SCHIP1: variants seen among roughly 807,000 people sequenced by gnomAD.
The protein encoded by SCHIP1 is schwannomin interacting protein 1, also known as schwannomin-interacting protein 1.
In SCHIP1, 8 loss-of-function variants were observed where a neutral mutation model predicts 29.7. That is an observed-to-expected ratio of 0.27 (90% CI 0.16 to 0.49). The LOEUF (loss-of-function observed/expected upper bound fraction) is 0.49. SCHIP1 is among the 20% of genes least tolerant of loss of function. The pLI is 0.99. For synonymous variants in SCHIP1, 76 were observed against 94.9 expected, an observed-to-expected ratio of 0.80 and a Z score of 1.16; for missense variants, 193 against 294.6, an observed-to-expected ratio of 0.66 and a Z score of 2.52.
the SCHIP1 span, among the ~76,000 whole-genome samples, chr3:159,587,586 A>T: frequency 6.6e-6 from 1 of 152,168 alleles, no homozygotes; most frequent in Non-Finnish European, 1.5e-5. Flanking sequence ...CATAATTTAC[A>T]TTAGGTATAT....
At chr3:159,620,702 G>A in the SCHIP1 span, among the ~76,000 whole-genome samples, 2 of 152,206 alleles carry the variant, frequency 1.3e-5, no homozygotes, top group South Asian at 4.1e-4. Flanking sequence ...CACACCTGGT[G>A]CAGTGCTGGG....
the SCHIP1 span, among the ~76,000 whole-genome samples, chr3:159,427,517 C>T: frequency 6.6e-6 from 1 of 152,110 alleles, no homozygotes; most frequent in Non-Finnish European, 1.5e-5. Flanking sequence ...TCAAGGAGAA[C>T]TACAAACCAC....
the SCHIP1 span, among the ~76,000 whole-genome samples, chr3:159,510,432 G>A: frequency 0.53 from 80,997 of 151,960 alleles, 21,984 homozygotes; most frequent in East Asian, 0.69. Flanking sequence ...TTTAGCTCGG[G>A]GAAGTTTGAT....
chr3:159,405,484 T>A, the SCHIP1 span, among the ~76,000 whole-genome samples: 2 of 151,460 alleles, frequency 1.3e-5, no homozygotes, highest in African/African-American at 2.4e-5. Context: ...AATTCTGGAG[T>A]TGAAAAATAC....
the SCHIP1 span, among the ~76,000 whole-genome samples, chr3:159,557,140 GT>G: frequency 1.3e-5 from 2 of 151,484 alleles, no homozygotes; most frequent in African/African-American, 4.9e-5. Context: ...TGTATTTTTA[GT>G]AGAGACGAGG....
chr3:159,457,831 A>G, the SCHIP1 span, among the ~76,000 whole-genome samples: 4 of 152,176 alleles, frequency 2.6e-5, no homozygotes, highest in African/African-American at 9.7e-5. Flanking sequence ...TAGAATAATT[A>G]TAACAATATA....
chr3:159,621,595 C>T, the SCHIP1 span, among the ~76,000 whole-genome samples: 83 of 151,906 alleles, frequency 5.5e-4, no homozygotes, highest in Non-Finnish European at 1.1e-3. Context: ...ATATATGCTT[C>T]TTTTTTTAAA....
the SCHIP1 span, among the ~76,000 whole-genome samples, chr3:159,491,958 G>A: frequency 2.4e-4 from 36 of 152,306 alleles, no homozygotes; most frequent in African/African-American, 7.9e-4. Context: ...TCGCTGTTCT[G>A]CAGTCACCAC....
At chr3:159,286,614 A>G in the SCHIP1 span, among the ~76,000 whole-genome samples, 7 of 152,252 alleles carry the variant, frequency 4.6e-5, no homozygotes, top group South Asian at 1.5e-3. Flanking sequence ...GGGTAGAATG[A>G]TAATTCTGCT....
the SCHIP1 span, chr3:159,274,737 G>A: frequency 8.1e-5 from 67 of 826,266 alleles, no homozygotes; most frequent in Non-Finnish European, 2.2e-5. Context: ...AGAACATATT[G>A]TCATTAAAAA....
In SCHIP1 at chr3:159,870,424, C is replaced by T. The variant is rs1715135099; in HGVS notation, c.149+4143C>T. On this transcript the variant is annotated intron_variant, in intron 2 of 6. Coordinates refer to ENST00000445224, the Ensembl canonical transcript of SCHIP1. Reference sequence around the variant, plus strand: ...GGTATAACTTACAAAGAATTTTTATCATGAATGGGTATTTAACTGTATCAC... The same window carrying T: ...GGTATAACTTACAAAGAATTTTTATTATGAATGGGTATTTAACTGTATCAC... Among the ~76,000 whole-genome samples, 3 of 151,908 alleles carry T rather than the reference C, an allele frequency of 2.0e-5. No homozygotes were observed. The South Asian group carries it at 6.2e-4, about 32-fold the overall frequency.
At position 159,877,676 on chromosome 3, in the gene SCHIP1, A is replaced by G. The variant is rs1018532952; in HGVS notation, c.150-8531A>G. Among the ~76,000 whole-genome samples the G allele has an allele frequency of 3.3e-5, 5 of 152,224 alleles. No homozygotes were observed. In the East Asian group the frequency reaches 9.6e-4, roughly 29 times the overall value. The stretch of plus-strand genomic sequence containing the variant: ...ACACAGGCACTGACTCTCCGCTGTC[A>G]TGTTTTTTACCCAGTCCGCATGAAC... On this transcript the variant is annotated intron_variant, in intron 2 of 6. Transcript: ENST00000445224.
the SCHIP1 span, among the ~76,000 whole-genome samples, chr3:159,297,627 A>G: frequency 1.3e-5 from 2 of 152,138 alleles, no homozygotes; most frequent in Admixed American, 1.3e-4. Context: ...AGATATGCAG[A>G]CACACCACTG....
intron 1 of SCHIP1, among the ~76,000 whole-genome samples, chr3:159,850,088 T>C (rs1712380456): frequency 6.6e-6 from 1 of 152,164 alleles, no homozygotes; most frequent in South Asian, 2.1e-4. Context: ...TCATATAGCG[T>C]ACTAGGTTCT....
chr3:159,526,598 T>C, the SCHIP1 span, among the ~76,000 whole-genome samples: 1 of 152,190 alleles, frequency 6.6e-6, no homozygotes, highest in Non-Finnish European at 1.5e-5. Context: ...CATCAAATGA[T>C]AGGTTATAAA....
At chr3:159,810,183 T>C in the SCHIP1 span, among the ~76,000 whole-genome samples, 3 of 152,096 alleles carry the variant, frequency 2.0e-5, no homozygotes, top group South Asian at 6.2e-4. Context: ...GTAGCTGGGA[T>C]TACAGGCAGG....
chr3:159,427,811 T>G, the SCHIP1 span, among the ~76,000 whole-genome samples: 1 of 151,596 alleles, frequency 6.6e-6, no homozygotes. Flanking sequence ...AAGGCTACAG[T>G]AACCAAAACA....
intron 5 of SCHIP1, among the ~76,000 whole-genome samples, chr3:159,890,482 T>A (rs1202574320): frequency 1.3e-5 from 2 of 152,238 alleles, no homozygotes; most frequent in African/African-American, 2.4e-5. Context: ...ATAAAAAAAA[T>A]TGGACATATT....
intron 6 of SCHIP1, chr3:159,893,725 C>T (rs768695312): frequency 6.6e-6 from 1 of 151,966 alleles, no homozygotes; most frequent in Non-Finnish European, 1.5e-5. Flanking sequence ...GCAGGCAAAA[C>T]CATGGAGTTA....
Sources: gnomAD v4.1 joint callset for allele counts (sites outside exome capture counted in the v4.1 genomes callset) on GRCh38, gnomAD v4.1.1 for gene constraint, MANE v1.5 for transcripts, NCBI Gene and HGNC (gene_info 2026-07-23, HGNC 2026-07-21) for gene names.